CDK14: variants seen among roughly 807,000 people sequenced by gnomAD.
CDK14 encodes the protein cyclin dependent kinase 14.
In CDK14, 34 loss-of-function variants were observed where a neutral mutation model predicts 60.7. That is an observed-to-expected ratio of 0.56 (90% CI 0.43 to 0.75). The LOEUF is 0.75. CDK14 is among the 30% of genes least tolerant of loss of function. CDK14 has a pLI of 0.00. For synonymous variants in CDK14, 197 were observed against 203.7 expected (o/e 0.97, Z 0.28); for missense variants, 482 against 564.1 (o/e 0.85, Z 1.47).
intron 6 of CDK14, among the ~76,000 whole-genome samples, chr7:90,880,044 C>A (rs1239408356): frequency 6.6e-6 from 1 of 152,232 alleles, no homozygotes; most frequent in Non-Finnish European, 1.5e-5. Context: ...CTTACCGCCT[C>A]TCAGCTGGAA....
At chr7:91,187,601 A>G (rs116356224) in intron 14 of CDK14, among the ~76,000 whole-genome samples, 2,124 of 152,308 alleles carry the variant, frequency 0.014, 53 homozygotes, top group African/African-American at 0.047. Flanking sequence ...TTAAGGACAC[A>G]GACACACACG....
intron 14 of CDK14, among the ~76,000 whole-genome samples, chr7:91,149,248 A>G (rs1458626814): frequency 1.3e-5 from 2 of 151,266 alleles, no homozygotes; most frequent in Admixed American, 6.6e-5. Context: ...TTCTGAAACC[A>G]TTTTCCGAAC....
intron 2 of CDK14, among the ~76,000 whole-genome samples, chr7:90,667,562 G>A (rs1801008799): frequency 6.6e-6 from 1 of 151,284 alleles, no homozygotes; most frequent in Non-Finnish European, 1.5e-5. Flanking sequence ...CCATGTTGTA[G>A]CATGTATCCG....
chr7:91,193,424 GT>G (rs1323980510), intron 14 of CDK14, among the ~76,000 whole-genome samples: 1 of 152,150 alleles, frequency 6.6e-6, no homozygotes, highest in Admixed American at 6.6e-5. Flanking sequence ...CTTTGTGTCT[GT>G]TCTCTTCTTG....
intron 8 of CDK14, among the ~76,000 whole-genome samples, chr7:90,923,197 C>G (rs1793304863): frequency 6.6e-6 from 1 of 151,208 alleles, no homozygotes. Flanking sequence ...GCAAGCTCCG[C>G]CTCCCGGGTT....
intron 1 of CDK14, among the ~76,000 whole-genome samples, chr7:90,603,567 G>A (rs1333453459): frequency 6.6e-6 from 1 of 152,150 alleles, no homozygotes; most frequent in African/African-American, 2.4e-5. Flanking sequence ...GCCTAAGGGT[G>A]CATTTCTGAG....
intron 6 of CDK14, among the ~76,000 whole-genome samples, chr7:90,866,145 G>GT (rs1791172792): frequency 6.6e-6 from 1 of 151,660 alleles, no homozygotes; most frequent in Non-Finnish European, 1.5e-5. Context: ...TACAAAATGT[G>GT]TTTTTAGTTT....
At chr7:90,793,075 G>C (rs1425826717) in intron 5 of CDK14, among the ~76,000 whole-genome samples, 1 of 151,716 alleles carries the variant, frequency 6.6e-6, no homozygotes, top group African/African-American at 2.4e-5. Context: ...ATTCTTATTG[G>C]AATGTGAAAA....
intron 12 of CDK14, among the ~76,000 whole-genome samples, chr7:91,102,550 C>T (rs941994569): frequency 6.6e-6 from 1 of 151,788 alleles, no homozygotes; most frequent in African/African-American, 2.4e-5. Flanking sequence ...CAAAATGTAG[C>T]TTGCCTTAGT....
chr7:91,079,587 TATTC>T, intron 12 of CDK14, 107 bp downstream of exon 12: 3 of 813,220 alleles, frequency 3.7e-6, no homozygotes, highest in Non-Finnish European at 6.2e-6. Context: ...GCTGTGTATT[TATTC>T]ATTCATTTAA....
intron 6 of CDK14, among the ~76,000 whole-genome samples, chr7:90,873,366 A>G (rs1278803484): frequency 1.3e-5 from 2 of 152,222 alleles, no homozygotes; most frequent in Admixed American, 6.5e-5. Flanking sequence ...GAAAGTATAC[A>G]TTATTATATA....
At chr7:90,757,254 G>GTGTGTGTGTGTC in intron 4 of CDK14, among the ~76,000 whole-genome samples, 1 of 131,204 alleles carries the variant, frequency 7.6e-6, no homozygotes, top group East Asian at 5.7e-4. Context: ...GTGTGTGTCT[G>GTGTGTGTGTGTC]TGTGTGTCTG....
intron 4 of CDK14, among the ~76,000 whole-genome samples, chr7:90,786,183 C>G (rs552323773): frequency 1.3e-5 from 2 of 152,160 alleles, no homozygotes; most frequent in African/African-American, 4.8e-5. Context: ...AAATGGCTCT[C>G]TATACAGCTT....
intron 2 of CDK14, among the ~76,000 whole-genome samples, chr7:90,635,000 T>C (rs1800103736): frequency 6.6e-6 from 1 of 152,236 alleles, no homozygotes; most frequent in Non-Finnish European, 1.5e-5. Flanking sequence ...TTCTTGTAAA[T>C]GTGTTGGAGT....
At chr7:90,849,198 G>A (rs189840062) in intron 5 of CDK14, among the ~76,000 whole-genome samples, 1 of 150,488 alleles carries the variant, frequency 6.6e-6, no homozygotes, top group Non-Finnish European at 1.5e-5. Flanking sequence ...TGTTTAAAAA[G>A]GAGCCTGATA....
chr7:91,189,550 A>G (rs1802293613), intron 14 of CDK14, among the ~76,000 whole-genome samples: 1 of 152,206 alleles, frequency 6.6e-6, no homozygotes, highest in Admixed American at 6.5e-5. Context: ...TCAGATTCTA[A>G]TTATATGAAA....
At chr7:91,101,397 T>C (rs1015698389) in intron 12 of CDK14, among the ~76,000 whole-genome samples, 5 of 152,216 alleles carry the variant, frequency 3.3e-5, no homozygotes, top group African/African-American at 1.2e-4. Flanking sequence ...TATTCTAATA[T>C]AGCATTGGCT....
intron 9 of CDK14, among the ~76,000 whole-genome samples, chr7:90,961,015 A>G (rs951868537): frequency 6.6e-6 from 1 of 152,148 alleles, no homozygotes; most frequent in Non-Finnish European, 1.5e-5. Context: ...CCAAACCCAG[A>G]GATACTAAAT....
chr7:90,793,866 T>C (rs1033577159), intron 5 of CDK14, among the ~76,000 whole-genome samples: 1 of 152,112 alleles, frequency 6.6e-6, no homozygotes, highest in Non-Finnish European at 1.5e-5. Flanking sequence ...AACTGTATGG[T>C]CCCCCAAACT....
Sources: allele counts gnomAD v4.1 joint callset (sites outside exome capture counted in the v4.1 genomes callset), GRCh38; gene constraint gnomAD v4.1.1; transcripts MANE v1.5; gene names NCBI Gene and HGNC (gene_info 2026-07-23, HGNC 2026-07-21).